EIF2AK3: variants seen among roughly 807,000 people sequenced by gnomAD.
EIF2AK3 encodes eukaryotic translation initiation factor 2-alpha kinase 3.
A neutral mutation model predicts 113.5 loss-of-function variants in EIF2AK3; 50 were observed. The observed-to-expected ratio is 0.44, with a 90% CI of 0.35 to 0.56. The LOEUF (loss-of-function observed/expected upper bound fraction) is 0.56. EIF2AK3 is among the 20% of genes least tolerant of loss of function. The pLI is 0.00. For synonymous variants in EIF2AK3, 448 were observed against 495.4 expected (o/e 0.90, Z 1.27); for missense variants, 1,185 against 1,378.0 (o/e 0.86, Z 2.22).
chr2:88,606,204 A>G (rs1675268502), intron 2 of EIF2AK3, among the ~76,000 whole-genome samples: 1 of 152,168 alleles, frequency 6.6e-6, no homozygotes, highest in South Asian at 2.1e-4. Flanking sequence ...TCTCACAGTC[A>G]TGATAAAAGA....
At chr2:88,611,001 T>C (rs113548107) in intron 2 of EIF2AK3, among the ~76,000 whole-genome samples, 7 of 152,244 alleles carry the variant, frequency 4.6e-5, no homozygotes, top group African/African-American at 1.7e-4. Context: ...CAGAGAGATA[T>C]GATCACACCA....
chr2:88,592,755 C>G (rs1165712855), intron 4 of EIF2AK3, among the ~76,000 whole-genome samples: 1 of 141,444 alleles, frequency 7.1e-6, no homozygotes, highest in Non-Finnish European at 1.5e-5. Flanking sequence ...AAGAGTGAAA[C>G]TCGGTCTCAA....
intron 1 of EIF2AK3, among the ~76,000 whole-genome samples, chr2:88,616,221 C>G (rs1675565306): frequency 6.6e-6 from 1 of 152,174 alleles, no homozygotes; most frequent in South Asian, 2.1e-4. Flanking sequence ...CTCCCCTGAA[C>G]TGCAGACATA....
intron 2 of EIF2AK3, among the ~76,000 whole-genome samples, chr2:88,611,353 GTA>G (rs1675451685): frequency 6.6e-6 from 1 of 152,158 alleles, no homozygotes; most frequent in African/African-American, 2.4e-5. Flanking sequence ...GCAGCATCGA[GTA>G]TATGTTACAA....
intron 12 of EIF2AK3, among the ~76,000 whole-genome samples, chr2:88,575,799 G>A (rs1240166295): frequency 5.3e-5 from 8 of 152,092 alleles, no homozygotes; most frequent in Non-Finnish European, 1.2e-4. Flanking sequence ...TGAGACATGG[G>A]GCCACTTCAC....
chr2:88,562,107 A>G (rs1388541927), intron 15 of EIF2AK3, among the ~76,000 whole-genome samples, 182 bp downstream of exon 15: 1 of 152,222 alleles, frequency 6.6e-6, no homozygotes, highest in Non-Finnish European at 1.5e-5. Flanking sequence ...GTTTTTGAAG[A>G]CTGAGCTTTA....
Position 88,575,002 on chromosome 2 carries a change from C to T in EIF2AK3, c.2481G>A (p.Leu827=), listed in dbSNP as rs1674417154. The change falls in exon 13 of 17, where the codon TTG becomes TTA. Residue 827 remains leucine, a synonymous_variant. Transcript: ENST00000303236. ...SSKEEPKTNR[L]HIGNHCANKL... is the part of the protein sequence containing the mutation. Reference sequence around the variant, plus strand: ...TATTAGCACAATGGTTGCCAATATGCAATCGATTAGTTTTCGGCTCTTCTT... The same window carrying T: ...TATTAGCACAATGGTTGCCAATATGTAATCGATTAGTTTTCGGCTCTTCTT... The T allele has an allele frequency of 6.2e-7, 1 of 1,614,178 alleles. No individual in the cohort carries two copies. The highest frequency in any genetic ancestry group is 8.5e-7 in the Non-Finnish European group (1 of 1,180,036).
At chr2:88,581,827 A>G (rs185723720) in intron 10 of EIF2AK3, among the ~76,000 whole-genome samples, 115 of 152,212 alleles carry the variant, frequency 7.6e-4, no homozygotes, top group African/African-American at 2.5e-3. Flanking sequence ...CCTGTTCCCC[A>G]CCATCCTGAA....
At chr2:88,608,396 A>T (rs1433703788) in intron 2 of EIF2AK3, among the ~76,000 whole-genome samples, 1 of 152,012 alleles carries the variant, frequency 6.6e-6, no homozygotes, top group East Asian at 1.9e-4. Flanking sequence ...AAGCTTGGAG[A>T]AACTGACATT....
rs1391972863 is a variant in EIF2AK3, at chr2:88,627,098, T to C, written c.177A>G (p.Val59=). 6.5e-7 allele frequency: 1 copy of C among 1,545,510 alleles called. No individual in the cohort carries two copies. Among genetic ancestry groups the C allele is most frequent in the Non-Finnish European group, 8.7e-7 (1 of 1,153,938 alleles). The change falls in exon 1 of 17, where the codon GTA becomes GTG. Residue 59 remains valine, a synonymous_variant. Coordinates refer to ENST00000303236, the MANE Select transcript of EIF2AK3 (RefSeq NM_004836.7). ...AAAAPTSATR[V]PAAGAVAAAE... ...CCGCAGCCACGGCGCCCGCCGCCGG[T>C]ACTCGCGTCGCTGAGGTGGGAGCAG... is the stretch of plus-strand genomic sequence containing the variant.
chr2:88,570,724 A>C, intron 14 of EIF2AK3, 150 bp downstream of exon 14: 1 of 975,820 alleles, frequency 1.0e-6, no homozygotes, highest in South Asian at 1.4e-5. Context: ...TAGCTGTGTC[A>C]CTATTCCACT....
Position 88,564,055 on chromosome 2 carries a change from G to C in EIF2AK3, c.2986-1665C>G, listed in dbSNP as rs569564593. 3.9e-5 allele frequency among the ~76,000 whole-genome samples: 6 copies of C among 152,178 alleles called. No individual in the cohort carries two copies. The Middle Eastern group carries it at 0.01, about 259-fold the overall frequency. ...AAAAAAGAAATGTAGCCTCATGAAC[G>C]CATGAAAAGTTATATTTACAAAATA... On this transcript the variant is annotated intron_variant, in intron 14 of 16. Transcript: ENST00000303236.
At chr2:88,580,923 A>G (rs1057079481) in intron 10 of EIF2AK3, among the ~76,000 whole-genome samples, 4 of 152,148 alleles carry the variant, frequency 2.6e-5, no homozygotes, top group African/African-American at 9.7e-5. Context: ...AGTCTCCCCA[A>G]ATGCAAAAGC....
intron 2 of EIF2AK3, among the ~76,000 whole-genome samples, chr2:88,612,367 C>T (rs897033891): frequency 3.9e-5 from 6 of 152,102 alleles, no homozygotes; most frequent in African/African-American, 1.4e-4. Context: ...AACATGCATA[C>T]CCAAGCATAA....
rs779084189 is a variant in EIF2AK3, at chr2:88,562,367, A to C, written c.3009T>G (p.His1003Gln). ...GGCCTAAAGAAAAGATGTCCACTTT[A>C]TGAGAATAGCTGTTTCCATGAATCT... ...PEQIHGNSYS[H>Q]KVDIFSLGLI... The change falls in exon 15 of 17, where the codon CAT (histidine) becomes CAG (glutamine). Residue 1003 changes from histidine to glutamine, a missense_variant. Transcript: ENST00000303236. 1.2e-6 allele frequency: 2 copies of C among 1,614,052 alleles called. No individual in the cohort carries two copies. Among genetic ancestry groups the C allele is most frequent in the Non-Finnish European group, 1.7e-6 (2 of 1,179,920 alleles).
Position 88,627,250 on chromosome 2 carries a change from G to C in EIF2AK3, c.25C>G (p.Leu9Val). 2 of 1,486,838 alleles carry C rather than the reference G, an allele frequency of 1.3e-6. No individual in the cohort carries two copies. Among genetic ancestry groups the C allele is most frequent in the Non-Finnish European group, 1.8e-6 (2 of 1,124,458 alleles). The allele number at this position is 1,486,838 out of a possible 1,614,324, so 92.1% of individuals were successfully genotyped here. A position where few individuals can be genotyped will look rare whatever the true frequency, so the allele number is the denominator to read the frequency against. ...AGCAGCAGCAGCGCCCGTACCAGCA[G>C]CCCCGGGCTGATGGCGCGCTCCATC... MERAISPG[L>V]LVRALLLLLL... Residue 9 changes from leucine to valine, a missense_variant, in exon 1 of 17, where the codon CTG (leucine) becomes GTG (valine). Physicochemically the swap from Leu to Val is conservative, Grantham distance 32 (BLOSUM62 1). Coordinates refer to ENST00000303236, the MANE Select transcript of EIF2AK3 (RefSeq NM_004836.7).
intron 15 of EIF2AK3, among the ~76,000 whole-genome samples, chr2:88,561,987 C>T (rs1471318563): frequency 6.6e-6 from 1 of 152,164 alleles, no homozygotes; most frequent in African/African-American, 2.4e-5. Flanking sequence ...GCCCCCATTA[C>T]CTTGTGGTTC....
At chr2:88,593,744 A>T (rs1420284273) in intron 3 of EIF2AK3, among the ~76,000 whole-genome samples, 1 of 149,202 alleles carries the variant, frequency 6.7e-6, no homozygotes, top group Non-Finnish European at 1.5e-5. Context: ...CAGGTGAGTT[A>T]AAAAAAAAAT....
chr2:88,583,098 C>T (rs945752759), intron 10 of EIF2AK3, among the ~76,000 whole-genome samples: 4 of 151,976 alleles, frequency 2.6e-5, no homozygotes, highest in Admixed American at 6.6e-5. Flanking sequence ...GATTCCGAAA[C>T]GTGGAGACTC....
Sources: gnomAD v4.1 joint callset for allele counts (sites outside exome capture counted in the v4.1 genomes callset) on GRCh38, gnomAD v4.1.1 for gene constraint, MANE v1.5 for transcripts, NCBI Gene and HGNC (gene_info 2026-07-23, HGNC 2026-07-21) for gene names.